The following NTRK3 variants were observed in gnomAD, a reference collection of about 807,000 sequenced individuals.
NTRK3 encodes NT-3 growth factor receptor.
A neutral mutation model predicts 91.7 loss-of-function variants in NTRK3; 24 were observed. The observed-to-expected ratio is 0.26, with a 90% confidence interval of 0.19 to 0.37. The LOEUF is 0.37. Among genes scored for constraint, NTRK3 ranks in the 10% least tolerant of loss-of-function variants. NTRK3 has a pLI of 1.00. For missense variants in NTRK3, 880 were observed against 1,068.9 expected (o/e 0.82, Z 2.46); for synonymous variants, 483 against 404.0 (o/e 1.20, Z -2.34).
exon 13 of NTRK3, chr15:88,126,296 A>C (rs760433412): frequency 3.7e-6 from 6 of 1,613,942 alleles, no homozygotes; most frequent in Non-Finnish European, 5.1e-6. Flanking sequence ...TGGACCGTCG[A>C]CCATATTTGT....
At chr15:88,223,318 G>A (rs1012436245) in intron 3 of NTRK3, among the ~76,000 whole-genome samples, 4 of 152,240 alleles carry the variant, frequency 2.6e-5, no homozygotes. Flanking sequence ...GGAGGAGGGG[G>A]CTGGCCGCTG....
chr15:88,124,960 G>A (rs1296989856), intron 13 of NTRK3, among the ~76,000 whole-genome samples: 1 of 152,168 alleles, frequency 6.6e-6, no homozygotes, highest in Non-Finnish European at 1.5e-5. Flanking sequence ...CTGGAAACAG[G>A]GCACCCTGTA....
At chr15:88,131,025 C>G (rs1236276212) in intron 10 of NTRK3, among the ~76,000 whole-genome samples, 1 of 152,194 alleles carries the variant, frequency 6.6e-6, no homozygotes, top group African/African-American at 2.4e-5. Flanking sequence ...GAATTCCAAA[C>G]TATTTCAAAA....
chr15:88,136,130 G>T, intron 8 of NTRK3, 90 bp from the exon 9 acceptor site: 4 of 1,516,420 alleles, frequency 2.6e-6, no homozygotes, highest in Non-Finnish European at 3.7e-6. Context: ...GGAATCAAAA[G>T]GAAAGCTGAG....
At chr15:87,896,508 AT>A (rs2066135377) in intron 17 of NTRK3, among the ~76,000 whole-genome samples, 1 of 151,706 alleles carries the variant, frequency 6.6e-6, no homozygotes, top group African/African-American at 2.4e-5. Flanking sequence ...AAAGAAAAAA[AT>A]ATATACATGT....
At chr15:88,079,394 A>T (rs1273580797) in intron 13 of NTRK3, among the ~76,000 whole-genome samples, 1 of 152,178 alleles carries the variant, frequency 6.6e-6, no homozygotes, top group Admixed American at 6.5e-5. Flanking sequence ...ATATACCAGG[A>T]TGCCCCTGCT....
intron 5 of NTRK3, among the ~76,000 whole-genome samples, chr15:88,169,158 C>T (rs1265573833): frequency 6.6e-6 from 1 of 152,204 alleles, no homozygotes; most frequent in Non-Finnish European, 1.5e-5. Flanking sequence ...CCACACCATA[C>T]CACGCTGCCT....
At chr15:88,166,888 A>G (rs574932001) in intron 5 of NTRK3, among the ~76,000 whole-genome samples, 1 of 152,248 alleles carries the variant, frequency 6.6e-6, no homozygotes, top group East Asian at 1.9e-4. Flanking sequence ...AGCTTAACAC[A>G]ATAAATATTT....
chr15:87,937,476 T>C (rs149546009), intron 15 of NTRK3, among the ~76,000 whole-genome samples: 1 of 152,312 alleles, frequency 6.6e-6, no homozygotes, highest in East Asian at 1.9e-4. Flanking sequence ...GTTTCACAAA[T>C]GTTTTAAGCT....
At position 88,256,410 on chromosome 15, in the gene NTRK3, A is replaced by T; in HGVS notation, c.-142T>A. 1 of 560,538 alleles carries T rather than the reference A, an allele frequency of 1.8e-6. No homozygotes were observed. The highest frequency in any genetic ancestry group is 3.1e-6 in the Non-Finnish European group (1 of 323,592). The allele number at this position is 560,538 out of a possible 1,614,324, so 34.7% of individuals were successfully genotyped here. ...CGCCTAGTGGCGCGGTCTGCCGGGC[A>T]TGGTGGCCGGCTCGGCGATCGCTGA... On this transcript the variant is annotated 5_prime_UTR_variant, in exon 2 of 19. It removes an upstream start codon present in the reference 5' UTR. Transcript: ENST00000394480.
At chr15:87,994,569 C>T (rs2075544261) in intron 14 of NTRK3, among the ~76,000 whole-genome samples, 1 of 152,300 alleles carries the variant, frequency 6.6e-6, no homozygotes, top group South Asian at 2.1e-4. Context: ...CCTCCAGACA[C>T]CTTGATCTTG....
chr15:88,165,272 G>A (rs750959885), intron 5 of NTRK3, among the ~76,000 whole-genome samples: 5 of 152,188 alleles, frequency 3.3e-5, no homozygotes, highest in Non-Finnish European at 5.9e-5. Context: ...TGGAAGGAAT[G>A]ATTTACACCT....
At chr15:88,171,848 C>T (rs2045550467) in intron 5 of NTRK3, among the ~76,000 whole-genome samples, 1 of 152,242 alleles carries the variant, frequency 6.6e-6, no homozygotes, top group South Asian at 2.1e-4. Context: ...CATTTGTTCT[C>T]CAAATACAAA....
chr15:87,933,160 C>T (rs2068953391), exon 16 of NTRK3: 1 of 1,614,158 alleles, frequency 6.2e-7, no homozygotes. Context: ...TCCTTCCGGG[C>T]AGCCAGGGTG....
chr15:88,007,156 T>C (rs963980287), intron 14 of NTRK3, among the ~76,000 whole-genome samples: 2 of 152,230 alleles, frequency 1.3e-5, no homozygotes, highest in Non-Finnish European at 2.9e-5. Context: ...GCTCTAGGTA[T>C]GATACAATGA....
intron 3 of NTRK3, among the ~76,000 whole-genome samples, chr15:88,204,300 T>C (rs2048549446): frequency 6.6e-6 from 1 of 152,182 alleles, no homozygotes; most frequent in Non-Finnish European, 1.5e-5. Flanking sequence ...CCTTCTGGCA[T>C]ACTCTCTCCC....
intron 10 of NTRK3, among the ~76,000 whole-genome samples, chr15:88,131,024 A>G (rs1230889027): frequency 6.6e-6 from 1 of 152,232 alleles, no homozygotes; most frequent in Non-Finnish European, 1.5e-5. Context: ...TGAATTCCAA[A>G]CTATTTCAAA....
At chr15:88,146,901 C>G (rs976660129) in intron 6 of NTRK3, among the ~76,000 whole-genome samples, 2 of 152,088 alleles carry the variant, frequency 1.3e-5, no homozygotes, top group Non-Finnish European at 2.9e-5. Flanking sequence ...GCCTCAGAAT[C>G]CTCACCCATA....
Position 88,147,282 on chromosome 15 carries a change from T to C in NTRK3, c.464+53A>G, listed in dbSNP as rs553694379. On this transcript the variant is annotated intron_variant, in intron 6 of 18. Coordinates refer to ENST00000394480, the Ensembl canonical transcript of NTRK3. ...TTCCACTGCTTGACACTCCTCCCCATCCACCCATTACCAGCACTTCAGTAC... is the reference window on the plus strand; with the variant it reads ...TTCCACTGCTTGACACTCCTCCCCACCCACCCATTACCAGCACTTCAGTAC... 85 of 1,520,048 alleles carry C rather than the reference T, an allele frequency of 5.6e-5. No individual in the cohort carries two copies. The African/African-American group carries it at 1.1e-3, about 19-fold the overall frequency. The allele number at this position is 1,520,048 out of a possible 1,614,324, so 94.2% of individuals were successfully genotyped here.
Sources: gnomAD v4.1 joint callset for allele counts (sites outside exome capture counted in the v4.1 genomes callset) on GRCh38, gnomAD v4.1.1 for gene constraint, MANE v1.5 for transcripts, NCBI Gene and HGNC (gene_info 2026-07-23, HGNC 2026-07-21) for gene names.